Variants in ADAM10 observed in about 807,000 individuals in gnomAD.
The protein encoded by ADAM10 is disintegrin and metalloproteinase domain-containing protein 10.
A neutral mutation model predicts 90.1 loss-of-function variants in ADAM10; 17 were observed. That is an observed-to-expected ratio of 0.19 (90% CI 0.13 to 0.28). The LOEUF is 0.28. Among genes scored for constraint, ADAM10 ranks in the 10% least tolerant of loss-of-function variants. The pLI, the probability that ADAM10 is intolerant of heterozygous loss-of-function variation, is 1.00. For synonymous variants in ADAM10, 310 were observed against 298.6 expected (o/e 1.04, Z -0.40); for missense variants, 610 against 914.3 (o/e 0.67, Z 4.29).
intron 2 of ADAM10, among the ~76,000 whole-genome samples, chr15:58,699,564 G>A (rs1181589139): frequency 6.6e-6 from 1 of 151,868 alleles, no homozygotes; most frequent in Non-Finnish European, 1.5e-5. Context: ...TTTGAGACCA[G>A]GAGTTTGAGA....
chr15:58,681,375 A>G (rs1410763436), intron 3 of ADAM10, among the ~76,000 whole-genome samples: 3 of 152,240 alleles, frequency 2.0e-5, no homozygotes, highest in Non-Finnish European at 4.4e-5. Flanking sequence ...TTAAGTATAG[A>G]AATGCCTCAT....
chr15:58,678,656 A>T (rs1018431299), intron 4 of ADAM10, among the ~76,000 whole-genome samples: 1 of 152,324 alleles, frequency 6.6e-6, no homozygotes, highest in African/African-American at 2.4e-5. Context: ...CTTGAAGTCA[A>T]GTCATTACCT....
chr15:58,672,980 C>T (rs1159567025), intron 4 of ADAM10: 2 of 212,768 alleles, frequency 9.4e-6, no homozygotes, highest in African/African-American at 4.6e-5. Context: ...TATTTAGCAC[C>T]CCTGTACACA....
chr15:58,614,168 C>T (rs1387592511), intron 11 of ADAM10, among the ~76,000 whole-genome samples: 2 of 151,964 alleles, frequency 1.3e-5, no homozygotes, highest in East Asian at 1.9e-4. Flanking sequence ...ACCTGTAATA[C>T]CAGCTACTCA....
In ADAM10 at chr15:58,620,905, T is replaced by A. The variant is rs1409029916; in HGVS notation, c.1511+566A>T. 2.6e-4 allele frequency among the ~76,000 whole-genome samples: 11 copies of A among 42,020 alleles called. 2 individuals are homozygous for A. Among genetic ancestry groups the A allele is most frequent in the African/African-American group, 3.6e-4 (1 of 2,798 alleles). The allele number at this position is 42,020 out of a possible 152,430, so 27.6% of individuals were successfully genotyped here. A position where few individuals can be genotyped will look rare whatever the true frequency, so the allele number is the denominator to read the frequency against. On this transcript the variant is annotated intron_variant, in intron 11 of 15. Coordinates refer to ENST00000260408, the MANE Select transcript of ADAM10 (RefSeq NM_001110.4). Reference sequence around the variant, plus strand: ...GGATGGTCTCGATCTCCTGACCTCATGATCCACCCGCCTCGGCCTCCCAAA... The same window carrying A: ...GGATGGTCTCGATCTCCTGACCTCAAGATCCACCCGCCTCGGCCTCCCAAA...
intron 1 of ADAM10, among the ~76,000 whole-genome samples, chr15:58,741,346 A>G (rs988861521): frequency 3.9e-5 from 6 of 152,328 alleles, no homozygotes; most frequent in Non-Finnish European, 8.8e-5. Flanking sequence ...AAGTGTTAGT[A>G]TATCTTTAAA....
In ADAM10 at chr15:58,593,149, A is replaced by ATTTTTTTT. The variant is rs766149223; in HGVS notation, c.*4390_*4397dup. 19 of 68,464 alleles carry ATTTTTTTT rather than the reference A, an allele frequency of 2.8e-4. 2 individuals carry two copies. The highest frequency in any genetic ancestry group is 3.6e-4 in the Non-Finnish European group (13 of 36,232). The allele number at this position is 68,464 out of a possible 1,614,324, so 4.2% of individuals were successfully genotyped here. A position where few individuals can be genotyped will look rare whatever the true frequency, so the allele number is the denominator to read the frequency against. The stretch of plus-strand genomic sequence containing the variant: ...AAAGTAACAAAGGCCAGGTACTCAA[A>ATTTTTTTT]TTTTTTTTTTTTTTTTTTTTTTTTT... On this transcript the variant is annotated 3_prime_UTR_variant, in exon 16 of 16. Transcript: ENST00000260408.
At chr15:58,720,266 C>T (rs1249024517) in intron 1 of ADAM10, among the ~76,000 whole-genome samples, 4 of 152,114 alleles carry the variant, frequency 2.6e-5, no homozygotes, top group Non-Finnish European at 5.9e-5. Flanking sequence ...CACACTCCTC[C>T]CAAGAGAGGT....
chr15:58,691,416 A>C, intron 2 of ADAM10: 1 of 695,120 alleles, frequency 1.4e-6, no homozygotes, highest in Non-Finnish European at 2.7e-6. Context: ...AGAGTTGGCT[A>C]CCTGCTCTTT....
chr15:58,602,799 C>T (rs552571410), intron 14 of ADAM10, among the ~76,000 whole-genome samples: 1 of 152,230 alleles, frequency 6.6e-6, no homozygotes. Context: ...TCTGTAAAAA[C>T]TGTATCATGG....
chr15:58,634,300 TAA>T (rs61691654), intron 8 of ADAM10, among the ~76,000 whole-genome samples: 21 of 135,784 alleles, frequency 1.5e-4, no homozygotes, highest in Non-Finnish European at 1.1e-4. Flanking sequence ...ACACTCTGTC[TAA>T]AAAAAAAAAA....
At chr15:58,635,290 A>G (rs1345502159) in intron 8 of ADAM10, among the ~76,000 whole-genome samples, 19 of 131,006 alleles carry the variant, frequency 1.5e-4, no homozygotes, top group East Asian at 6.7e-4. Context: ...AAAAAAAAAA[A>G]AAAGAAAGAA....
chr15:58,713,252 C>G (rs1017624472), intron 2 of ADAM10, among the ~76,000 whole-genome samples: 5 of 152,162 alleles, frequency 3.3e-5, no homozygotes, highest in Non-Finnish European at 5.9e-5. Flanking sequence ...TAGGCATGCA[C>G]CACCACACTT....
intron 7 of ADAM10, among the ~76,000 whole-genome samples, chr15:58,642,109 C>T (rs1379975618): frequency 6.6e-6 from 1 of 152,318 alleles, no homozygotes; most frequent in East Asian, 1.9e-4. Flanking sequence ...CTGTAGATGG[C>T]TTTCTCCCAC....
rs1894775571 is a variant in ADAM10 at position 58,589,185 on chromosome 15, G to A, written c.*8362C>T. ...AACACCTACTATAGCCAAGCTCAAG[G>A]AAATGGAGATTAATAAAGCCCAGTC... On this transcript the variant is annotated 3_prime_UTR_variant, in exon 16 of 16. Transcript: ENST00000260408. 6.6e-6 allele frequency: 1 copy of A among 152,168 alleles called. No homozygotes were observed. Among genetic ancestry groups the A allele is most frequent in the Non-Finnish European group, 1.5e-5 (1 of 68,032 alleles). The allele number at this position is 152,168 out of a possible 1,614,324, so 9.4% of individuals were successfully genotyped here.
intron 11 of ADAM10, among the ~76,000 whole-genome samples, chr15:58,617,897 CA>C (rs75681109): frequency 0.11 from 9,062 of 82,920 alleles, 847 homozygotes; most frequent in African/African-American, 0.29. Flanking sequence ...CTGAACAAGT[CA>C]AAAAAAAAAA....
intron 1 of ADAM10, among the ~76,000 whole-genome samples, chr15:58,722,361 AAAATAAAT>A (rs1184522225): frequency 5.9e-5 from 9 of 151,742 alleles, no homozygotes; most frequent in African/African-American, 2.2e-4. Context: ...ATAATAAGTA[AAAATAAAT>A]AAATAAATAA....
intron 14 of ADAM10, among the ~76,000 whole-genome samples, chr15:58,600,498 A>T (rs1895078905): frequency 6.6e-6 from 1 of 152,092 alleles, no homozygotes; most frequent in Non-Finnish European, 1.5e-5. Context: ...CATTATATAT[A>T]ATATCTTTAT....
Position 58,633,424 on chromosome 15 carries a change from C to A in ADAM10, c.1013-65G>T. ...TCCCCTTACCCCCAAAAAGGTAATA[C>A]ATGCTATATTAAATGAAAACATTTT... On this transcript the variant is annotated intron_variant, in intron 8 of 15. Transcript: ENST00000260408. 3.0e-6 allele frequency: 4 copies of A among 1,323,628 alleles called. No homozygotes were observed. In the South Asian group the frequency reaches 4.9e-5, roughly 16 times the overall value. The allele number at this position is 1,323,628 out of a possible 1,614,324, so 82.0% of individuals were successfully genotyped here.
Sources: allele counts gnomAD v4.1 joint callset (sites outside exome capture counted in the v4.1 genomes callset), GRCh38; gene constraint gnomAD v4.1.1; transcripts MANE v1.5; gene names NCBI Gene and HGNC (gene_info 2026-07-23, HGNC 2026-07-21).